The following MAL variants were observed in gnomAD, a reference collection of about 807,000 sequenced individuals.
MAL encodes the protein myelin and lymphocyte protein.
A neutral mutation model predicts 16.7 loss-of-function variants in MAL; 5 were observed. The observed-to-expected ratio is 0.30, with a 90% CI of 0.16 to 0.63. MAL has a LOEUF of 0.63. Among genes scored for constraint, MAL ranks in the 30% least tolerant of loss-of-function variants. The pLI is 0.82. For missense variants in MAL, 202 were observed against 195.8 expected (o/e 1.03, Z -0.19); for synonymous variants, 96 against 85.5 (o/e 1.12, Z -0.67).
chr2:95,031,255 C>G (rs1343241759), intron 1 of MAL, among the ~76,000 whole-genome samples: 2 of 152,148 alleles, frequency 1.3e-5, no homozygotes, highest in African/African-American at 4.8e-5. Context: ...CTAGAAGGCA[C>G]ACTGGGATCC....
chr2:95,025,832 A>T lies in MAL; in HGVS notation c.40A>T (p.Ser14Cys). Residue 14 changes from serine (S) to cysteine (C), a missense_variant, in exon 1 of 4, where the codon AGT becomes TGT. Ser to Cys is a moderately radical substitution (Grantham distance 112). Coordinates refer to ENST00000309988, the MANE Select transcript of MAL (RefSeq NM_002371.4). The surrounding 1 kb of genome is among the most constrained non-coding windows in gnomAD (Gnocchi z 5.6). ...AAATGGSTLP[S>C]GFSVFTTLPD... ...GGCGACGGGGGGCAGCACCCTGCCC[A>T]GTGGCTTCTCGGTCTTCACCACCTT... 1 of 1,578,252 alleles carries T rather than the reference A, an allele frequency of 6.3e-7. No individual in the cohort carries two copies. Among genetic ancestry groups the T allele is most frequent in the Non-Finnish European group, 8.6e-7 (1 of 1,162,952 alleles).
chr2:95,052,276 C>A (rs1674736831), intron 3 of MAL, among the ~76,000 whole-genome samples: 1 of 152,172 alleles, frequency 6.6e-6, no homozygotes, highest in East Asian at 1.9e-4. Context: ...ATTTCTTGAC[C>A]CCACTTGGAA....
At chr2:95,041,524 G>A (rs986504188) in intron 1 of MAL, among the ~76,000 whole-genome samples, 10 of 152,170 alleles carry the variant, frequency 6.6e-5, no homozygotes, top group African/African-American at 1.9e-4. Context: ...GACAACAAGC[G>A]CTTAGTGGCA....
intron 1 of MAL, among the ~76,000 whole-genome samples, chr2:95,037,540 C>CTGAGTGAG (rs151095883): frequency 1.1e-5 from 1 of 89,728 alleles, no homozygotes; most frequent in Non-Finnish European, 2.4e-5. Flanking sequence ...GAGTGAGTGA[C>CTGAGTGAG]TGAGTGAGTG....
At chr2:95,034,791 T>C (rs1045240194) in intron 1 of MAL, among the ~76,000 whole-genome samples, 2 of 152,184 alleles carry the variant, frequency 1.3e-5, no homozygotes, top group African/African-American at 2.4e-5. Flanking sequence ...TGCTTCTTTG[T>C]TGGAGGTGAC....
chr2:95,034,554 T>G (rs1008201168), intron 1 of MAL, among the ~76,000 whole-genome samples: 1 of 152,226 alleles, frequency 6.6e-6, no homozygotes. Flanking sequence ...GTCGGCTGTA[T>G]GCAAGGGCAT....
At chr2:95,033,532 C>T (rs1558656711) in intron 1 of MAL, among the ~76,000 whole-genome samples, 1 of 151,994 alleles carries the variant, frequency 6.6e-6, no homozygotes, top group African/African-American at 2.4e-5. Flanking sequence ...AATCCTGGCA[C>T]TCTGGGAGGT....
intron 1 of MAL, among the ~76,000 whole-genome samples, chr2:95,040,122 T>TAG (rs546949196): frequency 2.1e-3 from 318 of 150,000 alleles, no homozygotes; most frequent in Non-Finnish European, 3.8e-3. Context: ...TCTACCTACC[T>TAG]ACACACACAC....
intron 1 of MAL, among the ~76,000 whole-genome samples, chr2:95,041,367 TTTTTGATTC>T (rs1464739295): frequency 6.6e-6 from 1 of 152,202 alleles, no homozygotes; most frequent in Non-Finnish European, 1.5e-5. Context: ...AGGTTTTCTC[TTTTTGATTC>T]TTTTGAGGTT....
chr2:95,038,986 G>A (rs1455513026), intron 1 of MAL, among the ~76,000 whole-genome samples: 23 of 151,060 alleles, frequency 1.5e-4, no homozygotes, highest in Middle Eastern at 3.2e-3. Flanking sequence ...GTGAGTGACC[G>A]AGTGACTGAG....
rs1478475881 is a variant in MAL, at chr2:95,053,992, A to G, written c.*537A>G. 3.3e-5 allele frequency: 5 copies of G among 152,798 alleles called. No individual in the cohort carries two copies. Among genetic ancestry groups the G allele is most frequent in the South Asian group, 4.1e-4 (2 of 4,862 alleles). The allele number at this position is 152,798 out of a possible 1,614,324, so 9.5% of individuals were successfully genotyped here. ...ACTTTATAAAATGTCTTAATGTTCA[A>G]TACATTTGTTGGGTGTTTTTTGGGT... On this transcript the variant is annotated 3_prime_UTR_variant, in exon 4 of 4. Coordinates refer to ENST00000309988, the MANE Select transcript of MAL (RefSeq NM_002371.4).
At chr2:95,047,629 G>A (rs1180394212) in intron 1 of MAL, among the ~76,000 whole-genome samples, 1 of 152,172 alleles carries the variant, frequency 6.6e-6, no homozygotes, top group Non-Finnish European at 1.5e-5. Context: ...GCTGAGGCAT[G>A]AGAATCACTT....
At chr2:95,053,166 A>C (rs1371812992) in intron 3 of MAL, 3 of 496,788 alleles carry the variant, frequency 6.0e-6, no homozygotes, top group African/African-American at 5.7e-5. Context: ...CACCAGATCC[A>C]GGAGACTGTT....
chr2:95,049,454 G>C, intron 2 of MAL, 127 bp from the exon 3 acceptor site: 3 of 1,244,992 alleles, frequency 2.4e-6, no homozygotes, highest in Non-Finnish European at 3.4e-6. Flanking sequence ...CCGTGACAAG[G>C]TTGGGAGGGG....
At chr2:95,038,588 CTGAGTGACTGAGTGGG>C (rs1350963305) in intron 1 of MAL, among the ~76,000 whole-genome samples, 11 of 62,834 alleles carry the variant, frequency 1.8e-4, no homozygotes, top group Non-Finnish European at 3.1e-4. Flanking sequence ...GAGTGAGTGA[CTGAGTGACTGAGTGGG>C]TGAGTGACTG....
At chr2:95,038,281 C>T (rs1310394347) in intron 1 of MAL, among the ~76,000 whole-genome samples, 15 of 70,646 alleles carry the variant, frequency 2.1e-4, no homozygotes, top group South Asian at 1.0e-3. Context: ...ACTGAGTGAC[C>T]GAGTGGGTGA....
chr2:95,033,442 C>T (rs995254681), intron 1 of MAL, among the ~76,000 whole-genome samples: 19 of 152,010 alleles, frequency 1.2e-4, no homozygotes, highest in Admixed American at 1.1e-3. Context: ...GAGGGAGAAG[C>T]CGGCTGGGAG....
intron 3 of MAL, among the ~76,000 whole-genome samples, chr2:95,050,278 T>A (rs1319175552): frequency 1.3e-5 from 2 of 152,220 alleles, no homozygotes; most frequent in Non-Finnish European, 2.9e-5. Flanking sequence ...TTCTTCTTAA[T>A]GGACTGGATC....
chr2:95,045,733 A>G (rs537214871), intron 1 of MAL, among the ~76,000 whole-genome samples: 35 of 152,102 alleles, frequency 2.3e-4, no homozygotes, highest in African/African-American at 7.7e-4. Context: ...TCCTCCTCCT[A>G]TTTCTCCATG....
Sources: gnomAD v4.1 joint callset for allele counts (sites outside exome capture counted in the v4.1 genomes callset) on GRCh38, gnomAD v4.1.1 for gene constraint, Gnocchi (gnomAD v3.1) non-coding constraint, MANE v1.5 for transcripts, NCBI Gene and HGNC (gene_info 2026-07-23, HGNC 2026-07-21) for gene names.